The following VCL variants were observed in gnomAD, a reference collection of about 807,000 sequenced individuals.
The protein encoded by VCL is vinculin.
In VCL, 47 loss-of-function variants were observed where a neutral mutation model predicts 125.7. The ratio of observed to expected loss-of-function variants is 0.37; its 90% CI spans 0.30 to 0.48. The LOEUF (loss-of-function observed/expected upper bound fraction) is 0.48, where lower values mean the gene tolerates loss of function less well. Among genes scored for constraint, VCL ranks in the 20% least tolerant of loss-of-function variants. The probability of loss-of-function intolerance (pLI) is 0.99; values close to 1 mark genes in which losing one functional copy is unlikely to be tolerated. For synonymous variants in VCL, 458 were observed against 514.6 expected, an observed-to-expected ratio of 0.89 and a Z score of 1.49; for missense variants, 1,069 against 1,455.5, an observed-to-expected ratio of 0.73 and a Z score of 4.32.
At chr10:74,092,953 A>G (rs1047261208) in intron 10 of VCL, among the ~76,000 whole-genome samples, 1 of 152,120 alleles carries the variant, frequency 6.6e-6, no homozygotes. Context: ...CACCCAGTTT[A>G]ATCAGTTATG....
At chr10:74,036,347 C>G (rs1424560409) in intron 1 of VCL, among the ~76,000 whole-genome samples, 3 of 151,968 alleles carry the variant, frequency 2.0e-5, no homozygotes, top group African/African-American at 7.3e-5. Flanking sequence ...GGATTACAGG[C>G]GCCCACCATC....
In VCL at chr10:74,072,761, G is replaced by C. The variant is rs1444296833; in HGVS notation, c.531G>C (p.Glu177Asp). 10 of 1,614,044 alleles carry C rather than the reference G, an allele frequency of 6.2e-6. No individual in the cohort carries two copies. In the South Asian group the frequency reaches 7.7e-5, roughly 12 times the overall value. The change falls in exon 5 of 22, where the codon GAG (glutamate) becomes GAC (aspartate). Residue 177 changes from glutamate (E) to aspartate (D), a missense_variant. Physicochemically the swap from Glu to Asp is conservative, Grantham distance 45 (BLOSUM62 2). Around this residue, in one of 6 missense-constraint regions of VCL, gnomAD observed 760 missense variants for 928.9 expected, o/e 0.82. Coordinates refer to ENST00000211998, the MANE Select transcript of VCL (RefSeq NM_014000.3). ...GMTKMAKMID[E>D]RQQELTHQEH... Reference sequence around the variant, plus strand: ...CTAAGATGGCCAAGATGATTGACGAGAGACAGCAGGAGCTCACTCACCAGG... The same window carrying C: ...CTAAGATGGCCAAGATGATTGACGACAGACAGCAGGAGCTCACTCACCAGG...
At chr10:74,114,066 A>G (rs1170671065) in intron 19 of VCL, 118 bp from the exon 20 acceptor site, 1 of 1,192,590 alleles carries the variant, frequency 8.4e-7, no homozygotes, top group East Asian at 2.5e-5. Flanking sequence ...TCCTCTTCTC[A>G]CCCTTCCGGA....
At chr10:74,000,838 A>G (rs1332656879) in intron 1 of VCL, among the ~76,000 whole-genome samples, 1 of 152,208 alleles carries the variant, frequency 6.6e-6, no homozygotes, top group East Asian at 1.9e-4. Flanking sequence ...AAACAATGAT[A>G]TGTAGTTAAG....
chr10:74,016,921 T>C (rs1840551938), intron 1 of VCL: 2 of 152,296 alleles, frequency 1.3e-5, no homozygotes, highest in African/African-American at 2.4e-5. Flanking sequence ...GTATAACATA[T>C]AGTATATGAT....
chr10:74,006,511 A>G (rs537969438), intron 1 of VCL, among the ~76,000 whole-genome samples: 1 of 152,178 alleles, frequency 6.6e-6, no homozygotes, highest in Non-Finnish European at 1.5e-5. Flanking sequence ...GAATTTTACT[A>G]TTTCTTAGAT....
At chr10:74,114,758 AAACAG>A (rs768608655) in intron 20 of VCL, 32 bp from the exon 21 acceptor site, 1 of 1,565,070 alleles carries the variant, frequency 6.4e-7, no homozygotes, top group South Asian at 1.2e-5. Flanking sequence ...TGGGCAAGGC[AAACAG>A]AGAAACATAC....
chr10:74,092,944 A>C (rs1839910933), intron 10 of VCL, among the ~76,000 whole-genome samples: 3 of 152,122 alleles, frequency 2.0e-5, no homozygotes, highest in Admixed American at 2.0e-4. Flanking sequence ...GTAGATAACC[A>C]CCCAGTTTAA....
At chr10:74,040,254 C>T (rs1173703383) in intron 1 of VCL, among the ~76,000 whole-genome samples, 2 of 152,202 alleles carry the variant, frequency 1.3e-5, no homozygotes, top group Non-Finnish European at 2.9e-5. Flanking sequence ...TCCGTGAAGG[C>T]AGGAAACTTT....
chr10:74,010,073 C>T (rs1840403586), intron 1 of VCL, among the ~76,000 whole-genome samples: 1 of 152,010 alleles, frequency 6.6e-6, no homozygotes, highest in Non-Finnish European at 1.5e-5. Flanking sequence ...TACAAGCATG[C>T]GCCACACACC....
chr10:74,106,070 A>G (rs1840129224), intron 16 of VCL, among the ~76,000 whole-genome samples: 1 of 150,000 alleles, frequency 6.7e-6, no homozygotes, highest in Admixed American at 6.7e-5. Context: ...ACAGGCTCCC[A>G]CCACCACACC....
Position 74,114,824 on chromosome 10 carries a change from C to T in VCL, c.3183C>T (p.Thr1061=), listed in dbSNP as rs2131940738. The change falls in exon 21 of 22, where the codon ACC becomes ACT. Residue 1061 remains threonine, a synonymous_variant. Transcript: ENST00000211998. The part of the protein sequence containing the change: ...QVCERIPTIS[T]QLKILSTVKA... ...GTGAGCGAATCCCAACCATAAGCAC[C>T]CAGCTCAAAATCCTGTCCACAGTGA... The T allele has an allele frequency of 6.2e-7, 1 of 1,608,502 alleles. No individual in the cohort carries two copies.
chr10:74,114,080 A>T, intron 19 of VCL, 104 bp from the exon 20 acceptor site: 1 of 1,357,048 alleles, frequency 7.4e-7, no homozygotes, highest in Non-Finnish European at 1.0e-6. Context: ...TTCCGGAGGG[A>T]TGCTAAGGTG....
At chr10:74,114,163 T>C (rs763049220) in intron 19 of VCL, 21 bp from the exon 20 acceptor site, 1 of 1,612,322 alleles carries the variant, frequency 6.2e-7, no homozygotes. Flanking sequence ...GAGCTCACAC[T>C]GTATCTTTGC....
intron 1 of VCL, among the ~76,000 whole-genome samples, chr10:74,041,517 T>G (rs994774138): frequency 1.3e-5 from 2 of 152,178 alleles, no homozygotes; most frequent in Non-Finnish European, 2.9e-5. Context: ...TTTAAAAAAT[T>G]TCTGACCATT....
chr10:74,089,404 C>A lies in VCL; in HGVS notation c.1176+55C>A. On this transcript the variant is annotated intron_variant, in intron 9 of 21. Transcript: ENST00000211998. ...GAAATATTTCATAAATATCCTAAGT[C>A]ATAAATATCCTATCTTTCTTCTCTG... 1.9e-6 allele frequency: 3 copies of A among 1,604,860 alleles called. No homozygotes were observed. The South Asian group carries it at 3.3e-5, about 18-fold the overall frequency.
rs540420322 is a variant in VCL at position 74,117,983 on chromosome 10, C to G, written c.3259-40C>G. ...ACCTATTTTAGAGACAGGCCTGCAT[C>G]AGGGACCCTGGGTAACGGAAAGTAC... On this transcript the variant is annotated intron_variant, in intron 21 of 21. Coordinates refer to ENST00000211998, the MANE Select transcript of VCL (RefSeq NM_014000.3). 70 of 1,612,874 alleles carry G rather than the reference C, an allele frequency of 4.3e-5. 1 individual carries two copies. The South Asian group carries it at 7.5e-4, about 17-fold the overall frequency.
chr10:74,100,946 A>G lies in VCL; in HGVS notation c.1873-2A>G. 6.2e-7 allele frequency: 1 copy of G among 1,613,906 alleles called. No homozygotes were observed. On this transcript the variant is annotated splice_acceptor_variant, in intron 13 of 21. Coordinates refer to ENST00000211998, the MANE Select transcript of VCL (RefSeq NM_014000.3). LOFTEE classifies it high-confidence loss of function. ...GTTCTTAATATCTGTTTTTTCCTCA[A>G]GGTATTTGATGAGAGGGCAGCTAAC...
At chr10:74,110,026 G>A (rs1840196344) in intron 18 of VCL, among the ~76,000 whole-genome samples, 1 of 152,076 alleles carries the variant, frequency 6.6e-6, no homozygotes, top group South Asian at 2.1e-4. Flanking sequence ...ACCTGCAGCT[G>A]ATCTTGGATT....
Sources: gnomAD v4.1 joint callset for allele counts (sites outside exome capture counted in the v4.1 genomes callset) on GRCh38, gnomAD v4.1.1 for gene constraint, gnomAD v4.1.1 regional missense constraint, MANE v1.5 for transcripts, NCBI Gene and HGNC (gene_info 2026-07-23, HGNC 2026-07-21) for gene names.